Variants in TM9SF4 observed in about 807,000 individuals in gnomAD.
TM9SF4 encodes dinucleotide oxidase disulfide thiol exchanger 3 superfamily member 4.
A neutral mutation model predicts 90.4 loss-of-function variants in TM9SF4; 26 were observed. That is an observed-to-expected ratio of 0.29 (90% confidence interval 0.21 to 0.40). The LOEUF is 0.40. Among genes scored for constraint, TM9SF4 ranks in the 10% least tolerant of loss-of-function variants. The pLI is 1.00. For synonymous variants in TM9SF4, 293 were observed against 315.4 expected, an observed-to-expected ratio of 0.93 and a Z score of 0.75; for missense variants, 549 against 834.8, an observed-to-expected ratio of 0.66 and a Z score of 4.22.
chr20:32,142,661 T>A (rs2046698570), intron 5 of TM9SF4, among the ~76,000 whole-genome samples: 1 of 151,994 alleles, frequency 6.6e-6, no homozygotes, highest in Non-Finnish European at 1.5e-5. Flanking sequence ...GGCATTCTAG[T>A]TGGAGTGATT....
intron 9 of TM9SF4, among the ~76,000 whole-genome samples, chr20:32,148,140 A>G (rs569319300): frequency 6.6e-6 from 1 of 152,266 alleles, no homozygotes; most frequent in South Asian, 2.1e-4. Flanking sequence ...CAAAAAATCT[A>G]AAATTTCGAA....
At chr20:32,136,897 G>T (rs1274767213) in intron 3 of TM9SF4, 2 of 471,104 alleles carry the variant, frequency 4.2e-6, no homozygotes, top group Non-Finnish European at 8.8e-6. Flanking sequence ...GGAGAGAACT[G>T]GTTCTTGAGC....
At chr20:32,132,265 G>A (rs1479718963) in intron 1 of TM9SF4, among the ~76,000 whole-genome samples, 1 of 152,136 alleles carries the variant, frequency 6.6e-6, no homozygotes, top group Non-Finnish European at 1.5e-5. Flanking sequence ...TTAGCCAGGT[G>A]AGGTGGTGGA....
intron 1 of TM9SF4, among the ~76,000 whole-genome samples, chr20:32,112,189 C>T (rs1218415694): frequency 6.6e-6 from 1 of 152,078 alleles, no homozygotes; most frequent in African/African-American, 2.4e-5. Context: ...GCTGGGAGAT[C>T]GCTTGAGCTC....
At chr20:32,121,129 T>G (rs34627863) in intron 1 of TM9SF4, among the ~76,000 whole-genome samples, 1 of 152,036 alleles carries the variant, frequency 6.6e-6, no homozygotes, top group African/African-American at 2.4e-5. Context: ...ACGTGGTTTT[T>G]AAAAATTTAT....
At position 32,158,413 on chromosome 20, in the gene TM9SF4, C is replaced by G. The variant is rs1280852947; in HGVS notation, c.1506-38C>G. 4 of 1,610,890 alleles carry G rather than the reference C, an allele frequency of 2.5e-6. No individual in the cohort carries two copies. In the African/African-American group the frequency reaches 4.0e-5, roughly 16 times the overall value. ...AAGGAGCTTGGGGCTTCCTGGTGGC[C>G]TGGTCTCTAACAATGTCAACCTCTC... is the stretch of plus-strand genomic sequence containing the variant. On this transcript the variant is annotated intron_variant, in intron 14 of 17. Transcript: ENST00000398022.
chr20:32,140,068 GCCAGTAC>G (rs1385683964), intron 3 of TM9SF4, among the ~76,000 whole-genome samples: 1 of 152,296 alleles, frequency 6.6e-6, no homozygotes, highest in East Asian at 1.9e-4. Context: ...TTGGCATGTA[GCCAGTAC>G]CCAGTACATG....
chr20:32,129,887 A>G (rs1317362569), intron 1 of TM9SF4, among the ~76,000 whole-genome samples: 2 of 152,182 alleles, frequency 1.3e-5, no homozygotes, highest in African/African-American at 2.4e-5. Context: ...GCGCCTGGCC[A>G]GTAGTGAACT....
intron 12 of TM9SF4, among the ~76,000 whole-genome samples, chr20:32,153,768 C>G (rs1464245295): frequency 1.3e-5 from 2 of 152,100 alleles, no homozygotes; most frequent in African/African-American, 4.8e-5. Context: ...GAAAAAGTCT[C>G]AACTGTAACT....
chr20:32,118,291 A>G (rs532743647), intron 1 of TM9SF4, among the ~76,000 whole-genome samples: 1 of 152,166 alleles, frequency 6.6e-6, no homozygotes, highest in Non-Finnish European at 1.5e-5. Flanking sequence ...GCTTACCCAC[A>G]TACCTGGTGC....
Position 32,141,720 on chromosome 20 carries a change from C to A in TM9SF4, c.399-46C>A, listed in dbSNP as rs6089194. On this transcript the variant is annotated intron_variant, in intron 4 of 17. Transcript: ENST00000398022. ...AGGCTCACACAGGGGAGGACACTGA[C>A]GGGAGAGGCGGTCGAGAGGGACTGA... The A allele has an allele frequency of 2.5e-6, 4 of 1,612,690 alleles. No homozygotes were observed. In the East Asian group the frequency reaches 6.7e-5, roughly 27 times the overall value.
At chr20:32,121,457 G>A (rs1166582548) in intron 1 of TM9SF4, among the ~76,000 whole-genome samples, 17 of 152,008 alleles carry the variant, frequency 1.1e-4, no homozygotes, top group Non-Finnish European at 2.2e-4. Flanking sequence ...ATCTTGCACC[G>A]CCCTTAATCC....
At chr20:32,147,061 A>G (rs761479705) in intron 9 of TM9SF4, among the ~76,000 whole-genome samples, 6 of 148,390 alleles carry the variant, frequency 4.0e-5, no homozygotes, top group Non-Finnish European at 9.0e-5. Flanking sequence ...GCTCATTGCA[A>G]TCTCCACCTC....
intron 3 of TM9SF4, among the ~76,000 whole-genome samples, chr20:32,139,366 T>C (rs1382623541): frequency 6.6e-6 from 1 of 152,212 alleles, no homozygotes; most frequent in Non-Finnish European, 1.5e-5. Flanking sequence ...TAGAACCTGG[T>C]TGTAGAAACC....
At chr20:32,128,377 T>C (rs1003614752) in intron 1 of TM9SF4, among the ~76,000 whole-genome samples, 23 of 152,226 alleles carry the variant, frequency 1.5e-4, no homozygotes, top group East Asian at 5.8e-4. Flanking sequence ...GCTTAAACTT[T>C]AACTCAGGGA....
At chr20:32,154,110 T>C (rs1397760440) in intron 12 of TM9SF4, among the ~76,000 whole-genome samples, 9 of 152,128 alleles carry the variant, frequency 5.9e-5, no homozygotes, top group Non-Finnish European at 1.0e-4. Flanking sequence ...CAGTTTGGGT[T>C]GGGGCCCAGA....
intron 1 of TM9SF4, among the ~76,000 whole-genome samples, chr20:32,115,590 C>T (rs1267388232): frequency 6.6e-6 from 1 of 152,092 alleles, no homozygotes; most frequent in Non-Finnish European, 1.5e-5. Context: ...CTCACCTATG[C>T]CTGATGCTTT....
intron 1 of TM9SF4, among the ~76,000 whole-genome samples, chr20:32,117,276 A>C (rs2046241136): frequency 6.6e-6 from 1 of 151,904 alleles, no homozygotes; most frequent in African/African-American, 2.4e-5. Context: ...AAAAAGAAGA[A>C]TCTAGTCTAT....
At chr20:32,160,811 G>A (rs942643440) in intron 16 of TM9SF4, among the ~76,000 whole-genome samples, 3 of 151,822 alleles carry the variant, frequency 2.0e-5, no homozygotes, top group Non-Finnish European at 4.4e-5. Flanking sequence ...TTAGCCGGGT[G>A]TGGTGGCACG....
Sources: allele counts gnomAD v4.1 joint callset (sites outside exome capture counted in the v4.1 genomes callset), GRCh38; gene constraint gnomAD v4.1.1; transcripts MANE v1.5; gene names NCBI Gene and HGNC (gene_info 2026-07-23, HGNC 2026-07-21).